The following PTPN23 variants were observed in gnomAD, a reference collection of about 807,000 sequenced individuals.
The protein encoded by PTPN23 is protein tyrosine phosphatase non-receptor type 23.
PTPN23 carries 72 observed loss-of-function variants against 156.3 expected under a neutral mutation model. The ratio of observed to expected loss-of-function variants is 0.46; its 90% CI spans 0.38 to 0.56. The LOEUF (loss-of-function observed/expected upper bound fraction) is 0.56, where lower values mean the gene tolerates loss of function less well. Ranked by LOEUF, PTPN23 falls within the 20% of genes least tolerant of loss-of-function variation. PTPN23 has a pLI of 0.00. For synonymous variants in PTPN23, 957 were observed against 899.6 expected (o/e 1.06, Z -1.14); for missense variants, 1,974 against 2,171.5 (o/e 0.91, Z 1.81).
At position 47,410,919 on chromosome 3, in the gene PTPN23, C is replaced by T; in HGVS notation, c.3121C>T (p.Pro1041Ser). ...GGCTCTGCCTTTCCCCAGCCCTGGG[C>T]CCCCTCAGCCTCCCCATCCCCCACT... is the stretch of plus-strand genomic sequence containing the variant. The part of the protein sequence containing the change: ...SGALPFPSPG[P>S]PQPPHPPLAY... Residue 1041 changes from proline (P) to serine (S), a missense_variant, in exon 20 of 25, where the codon CCC becomes TCC. This residue lies in a region of PTPN23 where 731 missense variants were observed against 669.1 expected (regional missense o/e 1.09). Coordinates refer to ENST00000265562, the MANE Select transcript of PTPN23 (RefSeq NM_015466.4). 2 of 1,610,630 alleles carry T rather than the reference C, an allele frequency of 1.2e-6. No homozygotes were observed. The highest frequency in any genetic ancestry group is 1.7e-6 in the Non-Finnish European group (2 of 1,178,278).
At chr3:47,408,715 G>C (rs1388045640) in intron 15 of PTPN23, 61 bp from the exon 16 acceptor site, 15 of 1,530,438 alleles carry the variant, frequency 9.8e-6, no homozygotes, top group Non-Finnish European at 1.3e-5. Flanking sequence ...TCTTGGGGGA[G>C]GGGCCCATGG....
intron 2 of PTPN23, among the ~76,000 whole-genome samples, chr3:47,399,371 CCAGTG>C (rs1704945873): frequency 6.6e-6 from 1 of 152,050 alleles, no homozygotes; most frequent in Non-Finnish European, 1.5e-5. Flanking sequence ...TCAGATTCTG[CCAGTG>C]CAGCTTGTCT....
Position 47,412,819 on chromosome 3 carries a change from C to G in PTPN23, c.4545C>G (p.Ser1515=). The change falls in exon 25 of 25, where the codon TCC becomes TCG. Residue 1515 remains serine (S), a synonymous_variant. Transcript: ENST00000265562. Reference sequence around the variant, plus strand: ...TTCGGCCTCCTGGGGGGTTGGAGTCCCCGGTTGCCAGCTTGCCAGGCCCTG... The same window carrying G: ...TTCGGCCTCCTGGGGGGTTGGAGTCGCCGGTTGCCAGCTTGCCAGGCCCTG... The part of the protein sequence containing the change: ...LSIRPPGGLE[S]PVASLPGPAE... 6.2e-7 allele frequency: 1 copy of G among 1,613,542 alleles called. No individual in the cohort carries two copies. Among genetic ancestry groups the G allele is most frequent in the Non-Finnish European group, 8.5e-7 (1 of 1,179,948 alleles).
At chr3:47,408,553 C>T in intron 15 of PTPN23, 63 bp downstream of exon 15, 2 of 1,558,454 alleles carry the variant, frequency 1.3e-6, no homozygotes, top group South Asian at 1.2e-5. Context: ...GTGGCCTCCT[C>T]CGTGTCCCTG....
At chr3:47,397,635 G>T (rs1704905883) in intron 2 of PTPN23, among the ~76,000 whole-genome samples, 1 of 152,040 alleles carries the variant, frequency 6.6e-6, no homozygotes, top group Non-Finnish European at 1.5e-5. Context: ...TAAATTTTTG[G>T]ATACATTTTC....
Position 47,412,974 on chromosome 3 carries a change from C to T in PTPN23, c.4700C>T (p.Ala1567Val), listed in dbSNP as rs1705364172. 1 of 1,609,458 alleles carries T rather than the reference C, an allele frequency of 6.2e-7. No individual in the cohort carries two copies. Among genetic ancestry groups the T allele is most frequent in the Non-Finnish European group, 8.5e-7 (1 of 1,177,990 alleles). ...AAGGAGGAGCCGCCAGTGCCTGAAG[C>T]CCCCAGCTCGGGGCCCCCCTCCTCC... ...QPKEEPPVPE[A>V]PSSGPPSSSL... The change falls in exon 25 of 25, where the codon GCC becomes GTC. Residue 1567 changes from alanine to valine, a missense_variant. This residue lies in a region of PTPN23 where 484 missense variants were observed against 516.0 expected (regional missense o/e 0.94). Coordinates refer to ENST00000265562, the MANE Select transcript of PTPN23 (RefSeq NM_015466.4).
At position 47,406,586 on chromosome 3, in the gene PTPN23, A is replaced by T. The variant is rs1705129377; in HGVS notation, c.733A>T (p.Ile245Phe). Residue 245 changes from isoleucine to phenylalanine, a missense_variant, in exon 8 of 25, where the codon ATC (isoleucine) becomes TTC (phenylalanine). Physicochemically the swap from Ile to Phe is conservative, Grantham distance 21. Transcript: ENST00000265562. The surrounding 1 kb of genome is among the most constrained non-coding windows in gnomAD (Gnocchi z 5.8). Reference sequence around the variant, plus strand: ...CTGGAAGAAACTTGTGCAGATGAAGATCTACTACTTCGCAGCCGTGGCTCA... The same window carrying T: ...CTGGAAGAAACTTGTGCAGATGAAGTTCTACTACTTCGCAGCCGTGGCTCA... ...KDWKKLVQMKIYYFAAVAHLH... is the reference protein window; with the variant it reads ...KDWKKLVQMKFYYFAAVAHLH... 1.2e-6 allele frequency: 2 copies of T among 1,613,656 alleles called. No homozygotes were observed.
intron 1 of PTPN23, among the ~76,000 whole-genome samples, chr3:47,393,300 C>A (rs974524162): frequency 1.3e-5 from 2 of 151,786 alleles, no homozygotes; most frequent in African/African-American, 4.8e-5. Flanking sequence ...TTACAGGTGC[C>A]CACCACCATG....
Position 47,406,427 on chromosome 3 carries a change from G to C in PTPN23, c.627+22G>C. On this transcript the variant is annotated intron_variant, in intron 7 of 24. Coordinates refer to ENST00000265562, the MANE Select transcript of PTPN23 (RefSeq NM_015466.4). The surrounding 1 kb of genome is among the most constrained non-coding windows in gnomAD (Gnocchi z 5.8). ...ACAGGTAGGGACGGGGCTGAGGGGAGGCCTTCACTTTACTGCTGACTCCCC... is the reference window on the plus strand; with the variant it reads ...ACAGGTAGGGACGGGGCTGAGGGGACGCCTTCACTTTACTGCTGACTCCCC... 1 of 1,613,910 alleles carries C rather than the reference G, an allele frequency of 6.2e-7. No individual in the cohort carries two copies. The highest frequency in any genetic ancestry group is 8.5e-7 in the Non-Finnish European group (1 of 1,179,990).
Position 47,405,139 on chromosome 3 carries a change from C to T in PTPN23, c.364+58C>T. ...TCCCCAGTCCTGCCAGCCTAGCTTT[C>T]AGCTCTTCAGATGGCCACAAAGGCA... On this transcript the variant is annotated intron_variant, in intron 4 of 24. Coordinates refer to ENST00000265562, the MANE Select transcript of PTPN23 (RefSeq NM_015466.4). This position sits in a 1 kb window ranked among gnomAD's most constrained non-coding sequence, Gnocchi z 4.7. The T allele has an allele frequency of 6.5e-7, 1 of 1,526,904 alleles. No homozygotes were observed. Among genetic ancestry groups the T allele is most frequent in the Admixed American group, 1.7e-5 (1 of 59,766 alleles). The allele number at this position is 1,526,904 out of a possible 1,614,324, so 94.6% of individuals were successfully genotyped here.
In PTPN23 at chr3:47,413,306, C is replaced by G; in HGVS notation, c.*121C>G. 7.2e-7 allele frequency: 1 copy of G among 1,396,300 alleles called. No individual in the cohort carries two copies. Among genetic ancestry groups the G allele is most frequent in the Non-Finnish European group, 9.8e-7 (1 of 1,025,190 alleles). 86.5% of individuals were successfully genotyped at this position (1,396,300 alleles called of 1,614,324 possible). The stretch of plus-strand genomic sequence containing the variant: ...ACTCCCATTTCTGCTGCCTTTGGCC[C>G]TGCCTGGCCCAGCCTGCACCCCTGT... On this transcript the variant is annotated 3_prime_UTR_variant, in exon 25 of 25. Transcript: ENST00000265562.
intron 1 of PTPN23, among the ~76,000 whole-genome samples, chr3:47,395,135 C>G (rs980416319): frequency 2.6e-5 from 4 of 152,188 alleles, no homozygotes; most frequent in Admixed American, 6.5e-5. Flanking sequence ...GTGGCTGATT[C>G]CTTAGCTATG....
At chr3:47,403,092 C>T (rs1421001343) in intron 2 of PTPN23, among the ~76,000 whole-genome samples, 2 of 151,736 alleles carry the variant, frequency 1.3e-5, no homozygotes, top group Non-Finnish European at 2.9e-5. Flanking sequence ...TCGCTGTCGC[C>T]CAGGCTGGAG....
rs746406752 is a variant in PTPN23 at position 47,407,126 on chromosome 3, A to G, written c.808-4A>G. ...AGAGCAGGCTTTCCTGCCACCCTCC[A>G]CAGGTTGCATACTTCCAGAGCGCCC... On this transcript the variant is annotated splice_polypyrimidine_tract_variant and splice_region_variant and intron_variant, in intron 9 of 24. Transcript: ENST00000265562. The surrounding 1 kb of genome is among the most constrained non-coding windows in gnomAD (Gnocchi z 4.0). 1.2e-6 allele frequency: 2 copies of G among 1,614,002 alleles called. No homozygotes were observed. Among genetic ancestry groups the G allele is most frequent in the Non-Finnish European group, 1.7e-6 (2 of 1,179,960 alleles).
At chr3:47,389,902 A>G (rs978526938) in intron 1 of PTPN23, among the ~76,000 whole-genome samples, 1 of 149,108 alleles carries the variant, frequency 6.7e-6, no homozygotes, top group Non-Finnish European at 1.5e-5. Context: ...GCAAAACCCC[A>G]TCTCTACTAA....
Position 47,406,394 on chromosome 3 carries a change from A to G in PTPN23, c.616A>G (p.Ile206Val), listed in dbSNP as rs139402667. Residue 206 changes from isoleucine (I) to valine (V), a missense_variant, in exon 7 of 25, where the codon ATC becomes GTC. Coordinates refer to ENST00000265562, the MANE Select transcript of PTPN23 (RefSeq NM_015466.4). The surrounding 1 kb of genome is among the most constrained non-coding windows in gnomAD (Gnocchi z 5.8). ...CAGGAAGAGCTTTCTGGTGGCCCGCATCAGTGCACAGGTAGGGACGGGGCT... is the reference window on the plus strand; with the variant it reads ...CAGGAAGAGCTTTCTGGTGGCCCGCGTCAGTGCACAGGTAGGGACGGGGCT... ...DNRKSFLVAR[I>V]SAQVVDYYKE... The G allele has an allele frequency of 8.1e-6, 13 of 1,613,924 alleles. No homozygotes were observed. In the African/African-American group the frequency reaches 1.3e-4, roughly 17 times the overall value.
rs965787184 is a variant in PTPN23, at chr3:47,413,247, A to G, written c.*62A>G. 1.9e-6 allele frequency: 3 copies of G among 1,541,986 alleles called. No homozygotes were observed. The highest frequency in any genetic ancestry group is 2.6e-6 in the Non-Finnish European group (3 of 1,139,096). On this transcript the variant is annotated 3_prime_UTR_variant, in exon 25 of 25. Transcript: ENST00000265562. ...CATCATCTCATGCCCACCTGCCCAC[A>G]CCCAGCAGAGCTTCTCAGTGGGCAC... is the stretch of plus-strand genomic sequence containing the variant.
Position 47,409,547 on chromosome 3 carries a change from T to C in PTPN23, c.1928T>C (p.Val643Ala). 6.2e-7 allele frequency: 1 copy of C among 1,613,532 alleles called. No individual in the cohort carries two copies. Among genetic ancestry groups the C allele is most frequent in the Non-Finnish European group, 8.5e-7 (1 of 1,179,712 alleles). ...GTGCAGTACGCAGCCGTGCGGCGGG[T>C]ACTCAGCGACTTGGACCAAAAGTCA... is the stretch of plus-strand genomic sequence containing the variant. ...ANVQYAAVRR[V>A]LSDLDQKWNS... is the part of the protein sequence containing the mutation. The change falls in exon 18 of 25, where the codon GTA (valine) becomes GCA (alanine). Residue 643 changes from valine to alanine, a missense_variant. Physicochemically the swap from Val to Ala is moderately conservative, Grantham distance 64 (BLOSUM62 0). Coordinates refer to ENST00000265562, the MANE Select transcript of PTPN23 (RefSeq NM_015466.4).
At position 47,403,213 on chromosome 3, in the gene PTPN23, C is replaced by T. The variant is rs150334868; in HGVS notation, c.160-1439C>T. Among the ~76,000 whole-genome samples, 1,190 of 151,854 alleles carry T rather than the reference C, an allele frequency of 7.8e-3. 18 individuals carry two copies. The highest frequency in any genetic ancestry group is 0.027 in the African/African-American group (1,129 of 41,456). ...GTCTACAGGTGCCTGCCACCACGTCCGGCTAATTTTTTGTATTTTTAGTAG... is the reference window on the plus strand; with the variant it reads ...GTCTACAGGTGCCTGCCACCACGTCTGGCTAATTTTTTGTATTTTTAGTAG... On this transcript the variant is annotated intron_variant, in intron 2 of 24. Transcript: ENST00000265562.
Sources: gnomAD v4.1 joint callset for allele counts (sites outside exome capture counted in the v4.1 genomes callset) on GRCh38, gnomAD v4.1.1 for gene constraint, gnomAD v4.1.1 regional missense constraint, Gnocchi (gnomAD v3.1) non-coding constraint, MANE v1.5 for transcripts, NCBI Gene and HGNC (gene_info 2026-07-23, HGNC 2026-07-21) for gene names.